The following TRDN variants were observed in gnomAD, a reference collection of about 807,000 sequenced individuals.
TRDN encodes the protein triadin in skeletal muscle.
TRDN carries 161 observed loss-of-function variants against 149.7 expected under a neutral mutation model. The ratio of observed to expected loss-of-function variants is 1.08; its 90% confidence interval spans 0.95 to 1.23. The LOEUF is 1.23. Ranked by LOEUF, TRDN falls within the 50% of genes most tolerant of loss-of-function variation. The pLI, the probability that TRDN is intolerant of heterozygous loss-of-function variation, is 0.00. For synonymous variants in TRDN, 294 were observed against 250.5 expected (o/e 1.17, Z -1.64); for missense variants, 896 against 823.5 (o/e 1.09, Z -1.08).
At chr6:123,613,693 T>G (rs982715410) in intron 1 of TRDN, among the ~76,000 whole-genome samples, 1 of 152,174 alleles carries the variant, frequency 6.6e-6, no homozygotes, top group African/African-American at 2.4e-5. Context: ...GTCTTACAAT[T>G]AATATCCATT....
chr6:123,590,869 A>G (rs1783745260), intron 1 of TRDN, among the ~76,000 whole-genome samples: 1 of 152,174 alleles, frequency 6.6e-6, no homozygotes, highest in Admixed American at 6.5e-5. Flanking sequence ...CTGTGGAAAA[A>G]TTGTCTTCCA....
At position 123,377,866 on chromosome 6, in the gene TRDN, C is replaced by T. The variant is rs1781569814; in HGVS notation, c.1219G>A (p.Ala407Thr). ...QEKKEKHVEP[A>T]KSPKKEHSVP... is the part of the protein sequence containing the mutation. ...AACAGAGGAATTTAAAAACAGTTAC[C>T]TGGTTCCACATGTTTTTCTTTCTTT... Residue 407 changes from alanine (A) to threonine (T), a missense_variant and splice_region_variant, in exon 17 of 41, where the codon GCA becomes ACA. Physicochemically the swap from Ala to Thr is moderately conservative, Grantham distance 58. Transcript: ENST00000334268. 1 of 1,563,570 alleles carries T rather than the reference C, an allele frequency of 6.4e-7. No individual in the cohort carries two copies. The highest frequency in any genetic ancestry group is 8.7e-7 in the Non-Finnish European group (1 of 1,145,010).
chr6:123,582,108 C>T (rs1293538707), intron 1 of TRDN, among the ~76,000 whole-genome samples: 1 of 152,096 alleles, frequency 6.6e-6, no homozygotes, highest in South Asian at 2.1e-4. Context: ...AAGTTACAGG[C>T]AAAACCAATA....
rs1213799739 is a variant in TRDN, at chr6:123,316,459, G to C, written c.1508C>G (p.Ala503Gly). Residue 503 changes from alanine to glycine, a missense_variant and splice_region_variant, in exon 24 of 41, where the codon GCA becomes GGA. By Grantham distance (60) the Ala-to-Gly change is moderately conservative (BLOSUM62 0). Coordinates refer to ENST00000334268, the MANE Select transcript of TRDN (RefSeq NM_006073.4). ...TAAATCTTACAAAATATCCTTACCT[G>C]CTTTGGACATCTTTTCATCTTTTTT... ...ETKKDEKMSK[A>G]GKEVKPKPPQ... 1 of 1,609,904 alleles carries C rather than the reference G, an allele frequency of 6.2e-7. No homozygotes were observed. The highest frequency in any genetic ancestry group is 1.1e-5 in the South Asian group (1 of 90,948).
chr6:123,490,750 T>C (rs762872225), intron 9 of TRDN, among the ~76,000 whole-genome samples: 2 of 152,164 alleles, frequency 1.3e-5, no homozygotes, highest in African/African-American at 2.4e-5. Flanking sequence ...CCAAAAGAAA[T>C]GGACAATGTG....
At chr6:123,381,344 C>A (rs767867479) in intron 16 of TRDN, 26 bp downstream of exon 16, 2 of 1,546,532 alleles carry the variant, frequency 1.3e-6, no homozygotes, top group Admixed American at 2.0e-5. Context: ...AAAAAGTACA[C>A]AAATACACTG....
rs1014618713 is a variant in TRDN, at chr6:123,349,484, A to G, written c.1369+3055T>C. On this transcript the variant is annotated intron_variant, in intron 21 of 40. Transcript: ENST00000334268. ...AGAATTCACAGGAATCTATAATATT[A>G]TCATAATTTAACATTTATTGAGGGT... The G allele has an allele frequency of 7.9e-6, 7 of 887,862 alleles. No individual in the cohort carries two copies. In the African/African-American group the frequency reaches 9.0e-5, roughly 11 times the overall value. 55.0% of individuals were successfully genotyped at this position (887,862 alleles called of 1,614,324 possible). A position where few individuals can be genotyped will look rare whatever the true frequency, so the allele number is the denominator to read the frequency against.
intron 1 of TRDN, among the ~76,000 whole-genome samples, chr6:123,608,381 C>T (rs1784620123): frequency 6.6e-6 from 1 of 152,126 alleles, no homozygotes; most frequent in Non-Finnish European, 1.5e-5. Flanking sequence ...ATCTTCTTGC[C>T]AATTTCACTT....
At chr6:123,318,226 T>C (rs1779106222) in intron 23 of TRDN, among the ~76,000 whole-genome samples, 1 of 152,012 alleles carries the variant, frequency 6.6e-6, no homozygotes, top group African/African-American at 2.4e-5. Context: ...ATTGAATCTA[T>C]GCTAGGTCAA....
intron 40 of TRDN, among the ~76,000 whole-genome samples, chr6:123,219,971 T>A (rs992376983): frequency 2.0e-5 from 3 of 151,850 alleles, no homozygotes; most frequent in African/African-American, 7.2e-5. Flanking sequence ...ATTTAATTGA[T>A]GTTGAATAAG....
intron 24 of TRDN, 45 bp from the exon 25 acceptor site, chr6:123,279,127 C>T: frequency 6.8e-7 from 1 of 1,478,652 alleles, no homozygotes; most frequent in Non-Finnish European, 9.3e-7. Flanking sequence ...TCATACAATT[C>T]TTATTAAATT....
intron 20 of TRDN, among the ~76,000 whole-genome samples, chr6:123,354,250 C>CA (rs1407151871): frequency 1.3e-5 from 2 of 151,764 alleles, no homozygotes; most frequent in Non-Finnish European, 3.0e-5. Context: ...TGAATTTCTG[C>CA]AAAAATGAGT....
At chr6:123,389,266 G>A (rs994123747) in intron 13 of TRDN, among the ~76,000 whole-genome samples, 12 of 152,184 alleles carry the variant, frequency 7.9e-5, no homozygotes, top group African/African-American at 2.9e-4. Flanking sequence ...ATGACCCCTG[G>A]TTCTGTGTAA....
At chr6:123,398,967 C>G (rs1772846990) in intron 12 of TRDN, among the ~76,000 whole-genome samples, 1 of 152,142 alleles carries the variant, frequency 6.6e-6, no homozygotes, top group Admixed American at 6.5e-5. Flanking sequence ...AAAATCTTCA[C>G]CTCATCAAGC....
At chr6:123,330,919 T>C (rs866250666) in intron 23 of TRDN, among the ~76,000 whole-genome samples, 1 of 151,978 alleles carries the variant, frequency 6.6e-6, no homozygotes, top group South Asian at 2.1e-4. Context: ...ATCCTTCTCT[T>C]ATCAATAAAA....
At chr6:123,449,943 C>T (rs1353843257) in intron 10 of TRDN, among the ~76,000 whole-genome samples, 2 of 152,082 alleles carry the variant, frequency 1.3e-5, no homozygotes, top group African/African-American at 2.4e-5. Flanking sequence ...AATCATCAGC[C>T]AAGAATTTTG....
At chr6:123,585,532 G>A (rs1044339090) in intron 1 of TRDN, among the ~76,000 whole-genome samples, 12 of 152,150 alleles carry the variant, frequency 7.9e-5, no homozygotes, top group Admixed American at 4.6e-4. Flanking sequence ...GGGGGCTTCC[G>A]AGGCGATTGG....
chr6:123,361,875 C>A (rs891485061), intron 20 of TRDN, among the ~76,000 whole-genome samples: 3 of 152,068 alleles, frequency 2.0e-5, no homozygotes, highest in African/African-American at 7.2e-5. Context: ...CATGACCAGA[C>A]AAGCTCAATT....
At chr6:123,355,349 C>G (rs1780625436) in intron 20 of TRDN, among the ~76,000 whole-genome samples, 1 of 151,552 alleles carries the variant, frequency 6.6e-6, no homozygotes, top group African/African-American at 2.4e-5. Flanking sequence ...TTGCCTCCAC[C>G]ACGGTTATAA....
Sources: gnomAD v4.1 joint callset for allele counts (sites outside exome capture counted in the v4.1 genomes callset) on GRCh38, gnomAD v4.1.1 for gene constraint, MANE v1.5 for transcripts, NCBI Gene and HGNC (gene_info 2026-07-23, HGNC 2026-07-21) for gene names.